Variants in CNTN5 observed in about 807,000 individuals in gnomAD.
CNTN5 encodes contactin 5.
In CNTN5, 77 loss-of-function variants were observed where a neutral mutation model predicts 129.1. The ratio of observed to expected loss-of-function variants is 0.60; its 90% CI spans 0.50 to 0.72. CNTN5 has a LOEUF of 0.72. CNTN5 is among the 30% of genes least tolerant of loss of function. The pLI is 0.00. For synonymous variants in CNTN5, 509 were observed against 465.6 expected, an observed-to-expected ratio of 1.09 and a Z score of -1.20; for missense variants, 1,478 against 1,328.8, an observed-to-expected ratio of 1.11 and a Z score of -1.75.
intron 3 of CNTN5, among the ~76,000 whole-genome samples, chr11:99,663,095 T>C (rs1952655220): frequency 1.4e-5 from 2 of 139,462 alleles, no homozygotes; most frequent in African/African-American, 5.1e-5. Context: ...GTAAGTAAGA[T>C]GGTCTTACAG....
chr11:100,164,449 T>A (rs1054478266), intron 13 of CNTN5, among the ~76,000 whole-genome samples: 1 of 151,732 alleles, frequency 6.6e-6, no homozygotes, highest in African/African-American at 2.4e-5. Context: ...ATTAGGCTCA[T>A]GAATAAATAG....
At chr11:100,013,141 C>T (rs1443483563) in intron 9 of CNTN5, among the ~76,000 whole-genome samples, 1 of 152,068 alleles carries the variant, frequency 6.6e-6, no homozygotes, top group African/African-American at 2.4e-5. Flanking sequence ...ATAATGTGTA[C>T]ACATGGGCAT....
At chr11:99,821,647 C>A (rs1190505590) in intron 4 of CNTN5, among the ~76,000 whole-genome samples, 2 of 151,874 alleles carry the variant, frequency 1.3e-5, no homozygotes, top group East Asian at 3.9e-4. Context: ...GCAGATGAAA[C>A]CCAAACAGAA....
chr11:99,746,188 T>C (rs1944051270), intron 3 of CNTN5, among the ~76,000 whole-genome samples: 1 of 152,234 alleles, frequency 6.6e-6, no homozygotes, highest in Non-Finnish European at 1.5e-5. Flanking sequence ...CTACATTTTC[T>C]TCTAGTGCTT....
chr11:99,240,671 A>G (rs1430486315), intron 1 of CNTN5, among the ~76,000 whole-genome samples: 3 of 152,128 alleles, frequency 2.0e-5, no homozygotes, highest in African/African-American at 4.8e-5. Context: ...CATTTTTCTT[A>G]TGAATTCCAA....
intron 1 of CNTN5, among the ~76,000 whole-genome samples, chr11:99,244,644 C>G (rs768169087): frequency 2.2e-4 from 34 of 152,072 alleles, no homozygotes; most frequent in Non-Finnish European, 3.7e-4. Context: ...TTCTGAAATC[C>G]CCTGCATGAG....
chr11:100,069,525 C>G (rs1943823046), intron 10 of CNTN5, among the ~76,000 whole-genome samples: 1 of 152,054 alleles, frequency 6.6e-6, no homozygotes. Flanking sequence ...TAGACCACCT[C>G]TACCGCAGCA....
intron 7 of CNTN5, among the ~76,000 whole-genome samples, chr11:99,932,214 G>A (rs568547849): frequency 3.3e-5 from 5 of 151,928 alleles, no homozygotes; most frequent in East Asian, 1.9e-4. Flanking sequence ...TTTTTGAGAC[G>A]GAGTCTCGCT....
intron 3 of CNTN5, among the ~76,000 whole-genome samples, chr11:99,734,475 A>G (rs979663907): frequency 1.3e-5 from 2 of 152,136 alleles, no homozygotes; most frequent in African/African-American, 4.8e-5. Flanking sequence ...GGGGTCAGCA[A>G]TTTCACTGAA....
intron 3 of CNTN5, among the ~76,000 whole-genome samples, chr11:99,590,073 C>T (rs1006735550): frequency 1.3e-5 from 2 of 151,908 alleles, no homozygotes; most frequent in Non-Finnish European, 2.9e-5. Flanking sequence ...AAGGATCATC[C>T]AGAGGAAGAT....
chr11:99,705,739 G>A (rs1387549338), intron 3 of CNTN5, among the ~76,000 whole-genome samples: 1 of 151,478 alleles, frequency 6.6e-6, no homozygotes, highest in Non-Finnish European at 1.5e-5. Context: ...ACAGAATGCA[G>A]AAAGAGGAGC....
At chr11:99,809,855 A>T (rs1430973027) in intron 3 of CNTN5, among the ~76,000 whole-genome samples, 1 of 152,178 alleles carries the variant, frequency 6.6e-6, no homozygotes, top group Non-Finnish European at 1.5e-5. Context: ...ATAGGAAAGT[A>T]AAAGCTAATA....
intron 1 of CNTN5, among the ~76,000 whole-genome samples, chr11:99,080,655 G>A (rs537032798): frequency 1.3e-5 from 2 of 152,112 alleles, no homozygotes; most frequent in Non-Finnish European, 2.9e-5. Flanking sequence ...ACTTGGGAAT[G>A]GGATTAATAT....
In CNTN5 at chr11:99,392,581, T is replaced by C. The variant is rs578251545; in HGVS notation, c.-71+67097T>C. On this transcript the variant is annotated intron_variant, in intron 2 of 24. Coordinates refer to ENST00000524871, the MANE Select transcript of CNTN5 (RefSeq NM_014361.4). The stretch of plus-strand genomic sequence containing the variant: ...TCACCTAAATGAATTACTTTAGATA[T>C]AATTATCAGGTCCCCAAGACATCGA... Among the ~76,000 whole-genome samples, 4 of 151,998 alleles carry C rather than the reference T, an allele frequency of 2.6e-5. No individual in the cohort carries two copies. In the South Asian group the frequency reaches 6.2e-4, roughly 24 times the overall value.
At chr11:99,997,259 T>C (rs951066687) in intron 8 of CNTN5, among the ~76,000 whole-genome samples, 2 of 152,244 alleles carry the variant, frequency 1.3e-5, no homozygotes, top group Admixed American at 6.5e-5. Context: ...CTGATTTTAG[T>C]TATATCTTGC....
chr11:99,175,584 A>G (rs1857732875), intron 1 of CNTN5, among the ~76,000 whole-genome samples: 1 of 152,164 alleles, frequency 6.6e-6, no homozygotes, highest in African/African-American at 2.4e-5. Flanking sequence ...CAGACCCCAG[A>G]TAATGAAGCA....
intron 7 of CNTN5, among the ~76,000 whole-genome samples, chr11:99,933,137 A>G (rs1950229462): frequency 6.6e-6 from 1 of 152,176 alleles, no homozygotes; most frequent in South Asian, 2.1e-4. Context: ...ACCTTTCTTT[A>G]TATTTTTTCA....
Position 99,704,069 on chromosome 11 carries a change from G to T in CNTN5, c.56-115475G>T, listed in dbSNP as rs192434803. On this transcript the variant is annotated intron_variant, in intron 3 of 24. Transcript: ENST00000524871. Reference sequence around the variant, plus strand: ...TGTATATATATATATGTGTGTGTGTGTATGTGTGTGTGTGTATACATACAC... The same window carrying T: ...TGTATATATATATATGTGTGTGTGTTTATGTGTGTGTGTGTATACATACAC... 3.4e-4 allele frequency among the ~76,000 whole-genome samples: 51 copies of T among 148,608 alleles called. No individual in the cohort carries two copies. In the East Asian group the frequency reaches 6.9e-3, roughly 20 times the overall value.
chr11:99,349,303 G>A (rs1316104834), intron 2 of CNTN5, among the ~76,000 whole-genome samples: 1 of 152,128 alleles, frequency 6.6e-6, no homozygotes, highest in Non-Finnish European at 1.5e-5. Context: ...CCATAGTCAT[G>A]CTATAAATTT....
Sources: gnomAD v4.1 joint callset for allele counts (sites outside exome capture counted in the v4.1 genomes callset) on GRCh38, gnomAD v4.1.1 for gene constraint, MANE v1.5 for transcripts, NCBI Gene and HGNC (gene_info 2026-07-23, HGNC 2026-07-21) for gene names.